Variants in QRICH2 observed in about 807,000 individuals in gnomAD.
QRICH2 encodes glutamine rich 2, also known as glutamine-rich protein 2.
A neutral mutation model predicts 168.3 loss-of-function variants in QRICH2; 119 were observed. The observed-to-expected ratio is 0.71, with a 90% CI of 0.61 to 0.82. QRICH2 has a LOEUF of 0.82. Ranked by LOEUF, QRICH2 falls within the 40% of genes least tolerant of loss-of-function variation. QRICH2 has a pLI of 0.00. For synonymous variants in QRICH2, 894 were observed against 951.2 expected, an observed-to-expected ratio of 0.94 and a Z score of 1.11; for missense variants, 2,241 against 2,491.6, an observed-to-expected ratio of 0.90 and a Z score of 2.14.
chr17:76,304,888 T>C lies in QRICH2; in HGVS notation c.588A>G (p.Gln196=), dbSNP rs772950042. Residue 196 remains glutamine, a synonymous_variant, in exon 2 of 19, where the codon CAA becomes CAG. Coordinates refer to ENST00000680821, the MANE Select transcript of QRICH2 (RefSeq NM_001388453.1). ...TGGAACTGGCTGGTATTACCAGGAA[T>C]TGCTCCCGATCTTTGAATAGCTTCT... is the stretch of plus-strand genomic sequence containing the variant. ...ELEKLFKDRE[Q]FLELVSRKLS... The C allele has an allele frequency of 5.6e-6, 9 of 1,612,202 alleles. No individual in the cohort carries two copies. The highest frequency in any genetic ancestry group is 7.6e-6 in the Non-Finnish European group (9 of 1,178,296).
intron 4 of QRICH2, 151 bp from the exon 5 acceptor site, chr17:76,290,228 G>T: frequency 1.9e-6 from 1 of 537,338 alleles, no homozygotes; most frequent in Non-Finnish European, 3.3e-6. Flanking sequence ...GGAAAGGGAG[G>T]TGGGAAGAAG....
chr17:76,307,508 C>T lies in QRICH2; in HGVS notation c.491G>A (p.Gly164Glu). The change falls in exon 1 of 19, where the codon GGG becomes GAG. Residue 164 changes from glycine (G) to glutamate (E), a missense_variant. Physicochemically the swap from Gly to Glu is moderately conservative, Grantham distance 98. Around this residue, in one of 3 missense-constraint regions of QRICH2, gnomAD observed 2,047 missense variants for 2,303.8 expected, o/e 0.89. Transcript: ENST00000680821. The surrounding 1 kb of genome is among the most constrained non-coding windows in gnomAD (Gnocchi z 5.3). ...GVRAFDRVRT[G>E]SIMKDAAEEL... ...CTCGGCGGCGTCCTTCATGATACTCCCAGTCCGCACCCTATCGAACGCCCG... is the reference window on the plus strand; with the variant it reads ...CTCGGCGGCGTCCTTCATGATACTCTCAGTCCGCACCCTATCGAACGCCCG... 1.2e-6 allele frequency: 2 copies of T among 1,613,670 alleles called. No homozygotes were observed. Among genetic ancestry groups the T allele is most frequent in the South Asian group, 2.2e-5 (2 of 91,006 alleles).
chr17:76,279,905 C>T, intron 12 of QRICH2, 128 bp downstream of exon 12: 1 of 1,151,778 alleles, frequency 8.7e-7, no homozygotes, highest in Non-Finnish European at 1.2e-6. Flanking sequence ...GTCCCTCCAA[C>T]CATGGGACAG....
chr17:76,306,657 C>T (rs2070995617), intron 1 of QRICH2, among the ~76,000 whole-genome samples: 2 of 152,138 alleles, frequency 1.3e-5, no homozygotes, highest in Admixed American at 6.6e-5. Flanking sequence ...GAGGCCGAGG[C>T]GGGCAGATCA....
At position 76,304,959 on chromosome 17, in the gene QRICH2, G is replaced by GAAAGGAGAATGACAGTGGCCCCT; in HGVS notation, c.535-41_535-19dup. 1.2e-6 allele frequency: 2 copies of GAAAGGAGAATGACAGTGGCCCCT among 1,602,594 alleles called. No homozygotes were observed. Among genetic ancestry groups the GAAAGGAGAATGACAGTGGCCCCT allele is most frequent in the Non-Finnish European group, 1.7e-6 (2 of 1,169,844 alleles). ...AAAAGTACCTGGAAGAAGAGTTCAG[G>GAAAGGAGAATGACAGTGGCCCCT]AAAGGAGAATGACAGTGGCCCCTAC... On this transcript the variant is annotated intron_variant, in intron 1 of 18. Transcript: ENST00000680821.
chr17:76,277,432 G>A, intron 15 of QRICH2, 122 bp from the exon 16 acceptor site: 1 of 1,215,626 alleles, frequency 8.2e-7, no homozygotes, highest in Non-Finnish European at 1.2e-6. Flanking sequence ...GCTGCCGGGA[G>A]GCTGAGCAGC....
intron 1 of QRICH2, among the ~76,000 whole-genome samples, chr17:76,306,547 C>T (rs2070994114): frequency 6.6e-6 from 1 of 152,188 alleles, no homozygotes; most frequent in African/African-American, 2.4e-5. Flanking sequence ...CTGGACAATA[C>T]TTATACTCAA....
intron 3 of QRICH2, among the ~76,000 whole-genome samples, chr17:76,302,532 G>A (rs1319710775): frequency 6.6e-6 from 1 of 152,156 alleles, no homozygotes; most frequent in East Asian, 1.9e-4. Context: ...GGATTATCCG[G>A]GTGGATGCAG....
intron 7 of QRICH2, among the ~76,000 whole-genome samples, chr17:76,283,837 G>A (rs1265091119): frequency 7.2e-6 from 1 of 138,870 alleles, no homozygotes; most frequent in Non-Finnish European, 1.5e-5. Flanking sequence ...TCATGCCATT[G>A]GACTCCAGCC....
At chr17:76,305,048 C>T (rs2070970134) in intron 1 of QRICH2, 107 bp from the exon 2 acceptor site, 2 of 801,058 alleles carry the variant, frequency 2.5e-6, no homozygotes, top group Non-Finnish European at 4.5e-6. Context: ...CAGACACACA[C>T]ATGCATACAC....
At chr17:76,283,542 CCA>C (rs1466424814) in intron 7 of QRICH2, among the ~76,000 whole-genome samples, 1 of 152,232 alleles carries the variant, frequency 6.6e-6, no homozygotes, top group African/African-American at 2.4e-5. Context: ...ATGGGGCACA[CCA>C]CAGTTCCAGC....
intron 5 of QRICH2, among the ~76,000 whole-genome samples, chr17:76,289,605 C>T (rs749393346): frequency 2.2e-4 from 34 of 151,896 alleles, no homozygotes; most frequent in Middle Eastern, 3.2e-3. Context: ...CTATTTAATC[C>T]GTAAAATACA....
rs2070791802 is a variant in QRICH2 at position 76,281,787 on chromosome 17, G to C, written c.4263+77C>G. On this transcript the variant is annotated intron_variant, in intron 8 of 18. Coordinates refer to ENST00000680821, the MANE Select transcript of QRICH2 (RefSeq NM_001388453.1). The surrounding 1 kb of genome is among the most constrained non-coding windows in gnomAD (Gnocchi z 4.4). The stretch of plus-strand genomic sequence containing the variant: ...AGGCCCAAACACCCGCCCCACTTCT[G>C]TGGGTCTGCAGCAGGGTGGCCCTCC... 4 of 1,562,532 alleles carry C rather than the reference G, an allele frequency of 2.6e-6. No individual in the cohort carries two copies. The highest frequency in any genetic ancestry group is 4.5e-5 in the East Asian group (2 of 44,212).
chr17:76,286,193 C>A (rs1357229957), intron 7 of QRICH2, among the ~76,000 whole-genome samples: 2 of 150,760 alleles, frequency 1.3e-5, no homozygotes, highest in East Asian at 3.9e-4. Flanking sequence ...AAAATGTATA[C>A]ATGAATGTGC....
At chr17:76,276,916 G>A (rs1192892352) in intron 16 of QRICH2, 149 bp from the exon 17 acceptor site, 1 of 737,674 alleles carries the variant, frequency 1.4e-6, no homozygotes, top group African/African-American at 1.8e-5. Context: ...AAGGTGGAGG[G>A]AGGTGAAACA....
At chr17:76,296,419 C>G (rs1306506217) in intron 3 of QRICH2, among the ~76,000 whole-genome samples, 1 of 152,176 alleles carries the variant, frequency 6.6e-6, no homozygotes, top group Admixed American at 6.5e-5. Context: ...CTGGCAGACT[C>G]TCTGAGTTGA....
chr17:76,308,126 C>G lies in QRICH2; in HGVS notation c.-128G>C, dbSNP rs898521346. The G allele has an allele frequency of 8.2e-7, 1 of 1,218,902 alleles. No homozygotes were observed. Among genetic ancestry groups the G allele is most frequent in the African/African-American group, 1.6e-5 (1 of 63,460 alleles). The allele number at this position is 1,218,902 out of a possible 1,614,324, so 75.5% of individuals were successfully genotyped here. A position where few individuals can be genotyped will look rare whatever the true frequency, so the allele number is the denominator to read the frequency against. ...CGGGGCGCCCCTGCCCCGGGTCCGGCCGAGTCACTGGACAGAGCTCCTGCC... is the reference window on the plus strand; with the variant it reads ...CGGGGCGCCCCTGCCCCGGGTCCGGGCGAGTCACTGGACAGAGCTCCTGCC... On this transcript the variant is annotated 5_prime_UTR_variant, in exon 1 of 19. Coordinates refer to ENST00000680821, the MANE Select transcript of QRICH2 (RefSeq NM_001388453.1).
At chr17:76,288,383 TAAAAAAAAAAAAAAA>T (rs770162922) in intron 5 of QRICH2, among the ~76,000 whole-genome samples, 7 of 39,266 alleles carry the variant, frequency 1.8e-4, no homozygotes, top group African/African-American at 7.0e-4. Flanking sequence ...GAATCAGTCT[TAAAAAAAAAAAAAAA>T]AAAAAAAAAA....
Position 76,292,791 on chromosome 17 carries a change from C to T in QRICH2, c.1936G>A (p.Gly646Ser). 1 of 1,613,922 alleles carries T rather than the reference C, an allele frequency of 6.2e-7. No homozygotes were observed. Among genetic ancestry groups the T allele is most frequent in the Non-Finnish European group, 8.5e-7 (1 of 1,180,022 alleles). Residue 646 changes from glycine to serine, a missense_variant, in exon 4 of 19, where the codon GGT becomes AGT. Physicochemically the swap from Gly to Ser is moderately conservative, Grantham distance 56. Transcript: ENST00000680821. ...CCAGATTGGACCAAATCATGCTGAC[C>T]TGTGCCAGGCTGGATCAAACCATGC... ...DQHGLIQPGTGQHDLVQSGTG... is the reference protein window; with the variant it reads ...DQHGLIQPGTSQHDLVQSGTG...
Sources: gnomAD v4.1 joint callset for allele counts (sites outside exome capture counted in the v4.1 genomes callset) on GRCh38, gnomAD v4.1.1 for gene constraint, gnomAD v4.1.1 regional missense constraint, Gnocchi (gnomAD v3.1) non-coding constraint, MANE v1.5 for transcripts, NCBI Gene and HGNC (gene_info 2026-07-23, HGNC 2026-07-21) for gene names.